Variants in RAB38 observed in about 807,000 individuals in gnomAD.
RAB38 encodes ras-related protein Rab-38.
A neutral mutation model predicts 18.4 loss-of-function variants in RAB38; 15 were observed. The ratio of observed to expected loss-of-function variants is 0.82; its 90% confidence interval spans 0.55 to 1.26. The LOEUF (loss-of-function observed/expected upper bound fraction) is 1.26. RAB38 is among the 50% of genes most tolerant of loss of function. The probability of loss-of-function intolerance (pLI) is 0.00; values close to 1 mark genes in which losing one functional copy is unlikely to be tolerated. For missense variants in RAB38, 294 were observed against 267.4 expected, an observed-to-expected ratio of 1.10 and a Z score of -0.69; for synonymous variants, 101 against 104.4, an observed-to-expected ratio of 0.97 and a Z score of 0.20.
At chr11:87,819,802 A>C in the RAB38 span, among the ~76,000 whole-genome samples, 1 of 146,416 alleles carries the variant, frequency 6.8e-6, no homozygotes, top group Non-Finnish European at 1.5e-5. Context: ...GTGTGTGTGT[A>C]TATATATATA....
chr11:88,034,867 G>T, the RAB38 span, among the ~76,000 whole-genome samples: 122 of 152,310 alleles, frequency 8.0e-4, no homozygotes, highest in Middle Eastern at 3.4e-3. Flanking sequence ...ACACATGAGA[G>T]TAGAATTGTG....
the RAB38 span, among the ~76,000 whole-genome samples, chr11:87,971,871 C>T: frequency 6.6e-6 from 1 of 151,882 alleles, no homozygotes; most frequent in South Asian, 2.1e-4. Context: ...ACAGAATGCA[C>T]ATGTTCATTG....
chr11:87,898,081 C>A, the RAB38 span, among the ~76,000 whole-genome samples: 1 of 151,504 alleles, frequency 6.6e-6, no homozygotes, highest in Admixed American at 6.6e-5. Context: ...AGAAATATCC[C>A]AACTCTTCAG....
the RAB38 span, among the ~76,000 whole-genome samples, chr11:87,823,426 T>C: frequency 1.1e-4 from 17 of 152,000 alleles, no homozygotes; most frequent in Non-Finnish European, 1.9e-4. Context: ...TTCTAAAATA[T>C]ATATGAAAAT....
the RAB38 span, among the ~76,000 whole-genome samples, chr11:87,956,512 C>CAGATGCCATAGTAGGAGATGTCTGTAGA: frequency 2.2e-4 from 34 of 152,162 alleles, no homozygotes; most frequent in Non-Finnish European, 4.3e-4. Flanking sequence ...CATGGTCTCT[C>CAGATGCCATAGTAGGAGATGTCTGTAGA]AGATGCCATA....
In RAB38 at chr11:88,157,265, T is replaced by C. The variant is rs533167342; in HGVS notation, c.203-7310A>G. 7.9e-5 allele frequency among the ~76,000 whole-genome samples: 12 copies of C among 152,310 alleles called. No homozygotes were observed. The South Asian group carries it at 2.5e-3, about 32-fold the overall frequency. On this transcript the variant is annotated intron_variant, in intron 1 of 2. Coordinates refer to ENST00000243662, the MANE Select transcript of RAB38 (RefSeq NM_022337.3). The stretch of plus-strand genomic sequence containing the variant: ...GACCAAAAAGGCCATTACATAATAA[T>C]AAACGGCTCAATTCGACAATAAGAC...
At chr11:88,151,488 T>C (rs184515511) in intron 1 of RAB38, among the ~76,000 whole-genome samples, 1 of 152,318 alleles carries the variant, frequency 6.6e-6, no homozygotes, top group East Asian at 1.9e-4. Context: ...ACCCCAGAAG[T>C]ATGTGACCAG....
the RAB38 span, among the ~76,000 whole-genome samples, chr11:88,067,859 T>A: frequency 6.6e-6 from 1 of 151,676 alleles, no homozygotes; most frequent in African/African-American, 2.4e-5. Context: ...GGCACATGTA[T>A]ACCTATGTAA....
At chr11:88,168,113 A>T (rs1295914267) in intron 1 of RAB38, among the ~76,000 whole-genome samples, 1 of 152,194 alleles carries the variant, frequency 6.6e-6, no homozygotes, top group African/African-American at 2.4e-5. Context: ...AACCACTTTT[A>T]CTAAGCAACA....
chr11:88,068,590 T>TA, the RAB38 span, among the ~76,000 whole-genome samples: 14 of 152,320 alleles, frequency 9.2e-5, no homozygotes, highest in Non-Finnish European at 1.9e-4. Context: ...CTTTTTACAA[T>TA]AAAAATCAAT....
At chr11:87,806,899 G>C in the RAB38 span, among the ~76,000 whole-genome samples, 2 of 152,084 alleles carry the variant, frequency 1.3e-5, no homozygotes, top group Non-Finnish European at 2.9e-5. Flanking sequence ...CTGATGGCTG[G>C]CTAGATATTT....
At chr11:88,159,364 C>T (rs748529440) in intron 1 of RAB38, among the ~76,000 whole-genome samples, 1 of 151,438 alleles carries the variant, frequency 6.6e-6, no homozygotes, top group Admixed American at 6.6e-5. Flanking sequence ...ACATTCCAAG[C>T]TCATAGGTTG....
intron 2 of RAB38, 81 bp from the exon 3 acceptor site, chr11:88,114,221 C>A: frequency 6.9e-7 from 1 of 1,450,456 alleles, no homozygotes; most frequent in Non-Finnish European, 9.5e-7. Flanking sequence ...TGTGACAATT[C>A]ATTTAAATAT....
At chr11:87,943,373 C>T in the RAB38 span, among the ~76,000 whole-genome samples, 10 of 152,104 alleles carry the variant, frequency 6.6e-5, no homozygotes, top group South Asian at 1.2e-3. Flanking sequence ...ATGACTTGCA[C>T]TCTACATCTT....
At chr11:88,025,098 G>A in the RAB38 span, among the ~76,000 whole-genome samples, 53 of 151,904 alleles carry the variant, frequency 3.5e-4, no homozygotes, top group South Asian at 0.01. Flanking sequence ...ATTACATATT[G>A]TATGCCTCAA....
intron 2 of RAB38, among the ~76,000 whole-genome samples, chr11:88,135,407 A>G (rs971195048): frequency 6.6e-6 from 1 of 152,324 alleles, no homozygotes; most frequent in Non-Finnish European, 1.5e-5. Flanking sequence ...AGAGGTTCTC[A>G]ATGATTATTT....
At chr11:88,022,628 A>AAAAAAAAC in the RAB38 span, among the ~76,000 whole-genome samples, 150 of 150,648 alleles carry the variant, frequency 1.0e-3, 1 homozygote, top group Admixed American at 1.8e-3. Context: ...AAAAAAAAAA[A>AAAAAAAAC]AAAACAACTA....
At chr11:88,010,897 A>G in the RAB38 span, among the ~76,000 whole-genome samples, 1 of 151,958 alleles carries the variant, frequency 6.6e-6, no homozygotes, top group African/African-American at 2.4e-5. Flanking sequence ...CCACCTACCC[A>G]CCTAGCATTC....
chr11:88,162,414 G>T (rs1943197223), intron 1 of RAB38, among the ~76,000 whole-genome samples: 1 of 151,934 alleles, frequency 6.6e-6, no homozygotes, highest in Non-Finnish European at 1.5e-5. Flanking sequence ...ATTCAATATG[G>T]TCCCCATGCT....
Sources: gnomAD v4.1 joint callset for allele counts (sites outside exome capture counted in the v4.1 genomes callset) on GRCh38, gnomAD v4.1.1 for gene constraint, MANE v1.5 for transcripts, NCBI Gene and HGNC (gene_info 2026-07-23, HGNC 2026-07-21) for gene names.